The following NTM variants were observed in gnomAD, a reference collection of about 807,000 sequenced individuals.
The protein encoded by NTM is neurotrimin, also known as IgLON family member 2.
NTM carries 13 observed loss-of-function variants against 42.1 expected under a neutral mutation model. That is an observed-to-expected ratio of 0.31 (90% CI 0.20 to 0.49). NTM has a LOEUF of 0.49. Among genes scored for constraint, NTM ranks in the 20% least tolerant of loss-of-function variants. The pLI is 0.99. For synonymous variants in NTM, 187 were observed against 179.2 expected, an observed-to-expected ratio of 1.04 and a Z score of -0.35; for missense variants, 373 against 452.8, an observed-to-expected ratio of 0.82 and a Z score of 1.60.
intron 1 of NTM, among the ~76,000 whole-genome samples, chr11:131,483,468 G>A (rs766285313): frequency 6.6e-6 from 1 of 152,222 alleles, no homozygotes; most frequent in Non-Finnish European, 1.5e-5. Flanking sequence ...TTAATAAGAA[G>A]CAGCTCCACT....
chr11:131,493,943 A>T (rs1687119077), intron 1 of NTM, among the ~76,000 whole-genome samples: 1 of 152,130 alleles, frequency 6.6e-6, no homozygotes, highest in Non-Finnish European at 1.5e-5. Flanking sequence ...TTTCATGCCA[A>T]ATTTATTATC....
intron 1 of NTM, among the ~76,000 whole-genome samples, chr11:131,735,915 C>A (rs754594946): frequency 1.3e-5 from 2 of 151,390 alleles, no homozygotes; most frequent in South Asian, 2.1e-4. Flanking sequence ...CTCACTGCAA[C>A]CTCCACCTCC....
intron 1 of NTM, among the ~76,000 whole-genome samples, chr11:131,772,971 G>A (rs981837428): frequency 5.3e-5 from 8 of 152,166 alleles, no homozygotes; most frequent in Non-Finnish European, 7.4e-5. Context: ...TTATGGCTGC[G>A]ACATCATCCA....
intron 1 of NTM, among the ~76,000 whole-genome samples, chr11:131,736,036 T>A (rs938104152): frequency 6.6e-6 from 1 of 152,150 alleles, no homozygotes; most frequent in Non-Finnish European, 1.5e-5. Context: ...TTTTGCCATG[T>A]TGGCCAGGCT....
In NTM at chr11:131,945,271, A is replaced by G. The variant is rs116649599; in HGVS notation, c.167+33623A>G. On this transcript the variant is annotated intron_variant, in intron 2 of 8. Coordinates refer to ENST00000683400, the MANE Select transcript of NTM (RefSeq NM_001352005.2). ...ACACACATAGCAAGAGGTCTGCTGT[A>G]GCACTTAACGGTGCATTCAGGGGTT... Among the ~76,000 whole-genome samples the G allele has an allele frequency of 8.4e-3, 1,274 of 152,324 alleles. 17 individuals carry two copies. Among genetic ancestry groups the G allele is most frequent in the African/African-American group, 0.029 (1,208 of 41,580 alleles).
intron 2 of NTM, among the ~76,000 whole-genome samples, chr11:131,915,927 G>A (rs1013593810): frequency 1.3e-5 from 2 of 152,206 alleles, no homozygotes; most frequent in Non-Finnish European, 2.9e-5. Flanking sequence ...TTCAAGATGA[G>A]ATTTGGGTGG....
chr11:131,484,773 C>A (rs1401750191), intron 1 of NTM, among the ~76,000 whole-genome samples: 1 of 152,130 alleles, frequency 6.6e-6, no homozygotes, highest in Admixed American at 6.5e-5. Flanking sequence ...ACTCCTCATT[C>A]GTGCTGTGAA....
intron 1 of NTM, among the ~76,000 whole-genome samples, chr11:131,469,277 A>G (rs1952190748): frequency 6.6e-6 from 1 of 152,238 alleles, no homozygotes; most frequent in African/African-American, 2.4e-5. Flanking sequence ...TCTTTGGAGT[A>G]GGGCATCTTC....
At chr11:132,246,441 G>T (rs751864541) in intron 4 of NTM, among the ~76,000 whole-genome samples, 1 of 152,356 alleles carries the variant, frequency 6.6e-6, no homozygotes, top group East Asian at 1.9e-4. Flanking sequence ...CACAGATTAA[G>T]TGATTCTGCC....
At chr11:132,134,719 A>G (rs1250058339) in intron 2 of NTM, among the ~76,000 whole-genome samples, 2,185 of 48,118 alleles carry the variant, frequency 0.045, 237 homozygotes, top group African/African-American at 0.15. Flanking sequence ...ATATATATAT[A>G]TATATATATA....
intron 2 of NTM, among the ~76,000 whole-genome samples, chr11:131,916,143 G>C (rs2056317811): frequency 6.6e-6 from 1 of 152,230 alleles, no homozygotes; most frequent in African/African-American, 2.4e-5. Flanking sequence ...CTGTTGGAGT[G>C]AAGGCTTTCT....
chr11:132,072,810 G>C (rs955401109), intron 2 of NTM, among the ~76,000 whole-genome samples: 2 of 152,282 alleles, frequency 1.3e-5, no homozygotes, highest in Middle Eastern at 3.4e-3. Flanking sequence ...TTTTACGGTT[G>C]TGATTCCTCC....
At chr11:132,082,072 AC>A (rs1566110774) in intron 2 of NTM, among the ~76,000 whole-genome samples, 4 of 146,606 alleles carry the variant, frequency 2.7e-5, no homozygotes, top group African/African-American at 1.0e-4. Flanking sequence ...AAAAAAAAAA[AC>A]CCTTCATTTC....
chr11:131,598,766 T>G lies in NTM; in HGVS notation c.82+227878T>G, dbSNP rs11222713. Among the ~76,000 whole-genome samples, 247 of 34,000 alleles carry G rather than the reference T, an allele frequency of 7.3e-3. 23 individuals carry two copies. The highest frequency in any genetic ancestry group is 0.02 in the African/African-American group (239 of 12,082). 22.3% of individuals were successfully genotyped at this position (34,000 alleles called of 152,430 possible). ...TTCTTTCTTTCTTTCTTCTTTCTTT[T>G]TTTCTTTCTTTCTTTCTTCTTTCTT... On this transcript the variant is annotated intron_variant, in intron 1 of 8. Coordinates refer to ENST00000683400, the MANE Select transcript of NTM (RefSeq NM_001352005.2).
intron 1 of NTM, among the ~76,000 whole-genome samples, chr11:131,481,428 G>A (rs1359008827): frequency 6.6e-6 from 1 of 152,212 alleles, no homozygotes; most frequent in Admixed American, 6.5e-5. Context: ...TTGGGAAGAC[G>A]CAAGGCCTGT....
chr11:131,694,288 T>G (rs928070609), intron 1 of NTM, among the ~76,000 whole-genome samples: 3 of 152,266 alleles, frequency 2.0e-5, no homozygotes, highest in Non-Finnish European at 4.4e-5. Context: ...CCTTGCAGCA[T>G]CTACTCTTCC....
chr11:131,758,268 C>A (rs1018121233), intron 1 of NTM, among the ~76,000 whole-genome samples: 5 of 152,020 alleles, frequency 3.3e-5, no homozygotes, highest in Non-Finnish European at 5.9e-5. Context: ...CCCCTCCCCC[C>A]CGCCAACCCC....
intron 2 of NTM, among the ~76,000 whole-genome samples, chr11:131,990,752 T>C (rs769287114): frequency 1.3e-5 from 2 of 152,194 alleles, no homozygotes; most frequent in Non-Finnish European, 2.9e-5. Flanking sequence ...CAAAATTTGC[T>C]ATCAAGCCTA....
At chr11:131,816,436 G>A (rs1477529308) in intron 1 of NTM, among the ~76,000 whole-genome samples, 2 of 151,890 alleles carry the variant, frequency 1.3e-5, no homozygotes, top group South Asian at 2.1e-4. Context: ...TCTGGGGTAC[G>A]TATCTTCCTG....
Sources: gnomAD v4.1 joint callset for allele counts (sites outside exome capture counted in the v4.1 genomes callset) on GRCh38, gnomAD v4.1.1 for gene constraint, MANE v1.5 for transcripts, NCBI Gene and HGNC (gene_info 2026-07-23, HGNC 2026-07-21) for gene names.